CLHC1: variants seen among roughly 807,000 people sequenced by gnomAD.
CLHC1 encodes clathrin heavy chain linker domain-containing protein 1.
Under a neutral mutation model 69.5 loss-of-function variants are expected in CLHC1, and 72 were observed. The observed-to-expected ratio is 1.04, with a 90% confidence interval of 0.86 to 1.26. The LOEUF is 1.26. Among genes scored for constraint, CLHC1 ranks in the 50% most tolerant of loss-of-function variants. The pLI, the probability that CLHC1 is intolerant of heterozygous loss-of-function variation, is 0.00. For synonymous variants in CLHC1, 223 were observed against 224.3 expected, an observed-to-expected ratio of 0.99 and a Z score of 0.05; for missense variants, 790 against 679.3, an observed-to-expected ratio of 1.16 and a Z score of -1.81.
At chr2:55,217,542 AAAAAAAAAAAATATAT>A (rs1573751339) in intron 4 of CLHC1, among the ~76,000 whole-genome samples, 1 of 83,570 alleles carries the variant, frequency 1.2e-5, no homozygotes, top group Non-Finnish European at 2.2e-5. Flanking sequence ...AAAAAAAAAA[AAAAAAAAAAAATATAT>A]ATATATATAT....
At chr2:55,201,873 T>C (rs1671976207) in intron 9 of CLHC1, among the ~76,000 whole-genome samples, 1 of 152,130 alleles carries the variant, frequency 6.6e-6, no homozygotes, top group Non-Finnish European at 1.5e-5. Context: ...AATGAATCAA[T>C]GTAATGTATC....
rs187225769 is a variant in CLHC1, at chr2:55,221,619, A to G, written c.177+616T>C. On this transcript the variant is annotated intron_variant, in intron 3 of 12. Transcript: ENST00000401408. ...CCCAATTCCTAACAAATCAGATGAT[A>G]CTTTTAGATGAAAAGGTGAAAATTA... is the stretch of plus-strand genomic sequence containing the variant. Among the ~76,000 whole-genome samples the G allele has an allele frequency of 2.0e-5, 3 of 152,358 alleles. No homozygotes were observed. In the East Asian group the frequency reaches 5.8e-4, roughly 29 times the overall value.
chr2:55,218,556 A>G (rs1673803564), intron 3 of CLHC1: 1 of 152,218 alleles, frequency 6.6e-6, no homozygotes, highest in African/African-American at 2.4e-5. Context: ...TTAGGCATAG[A>G]AAATCTCTGG....
At chr2:55,208,865 CTTTTT>C (rs142601208) in intron 7 of CLHC1, among the ~76,000 whole-genome samples, 155 bp from the exon 8 acceptor site, 7 of 90,816 alleles carry the variant, frequency 7.7e-5, no homozygotes, top group Non-Finnish European at 2.2e-5. Flanking sequence ...TCCCTTTCCT[CTTTTT>C]TTTTTTTTTT....
chr2:55,188,815 C>T (rs1232147329), intron 9 of CLHC1, among the ~76,000 whole-genome samples: 1 of 151,822 alleles, frequency 6.6e-6, no homozygotes, highest in Non-Finnish European at 1.5e-5. Context: ...GAAAAAAAGA[C>T]ATAAAACAAT....
At chr2:55,200,382 C>A (rs1671837204) in intron 9 of CLHC1, among the ~76,000 whole-genome samples, 1 of 151,274 alleles carries the variant, frequency 6.6e-6, no homozygotes. Context: ...CAAAAAAGAG[C>A]AGAAGTAGAC....
In CLHC1 at chr2:55,209,764, T is replaced by C. The variant is rs780000553; in HGVS notation, c.567A>G (p.Lys189=). The C allele has an allele frequency of 6.2e-7, 1 of 1,611,766 alleles. No individual in the cohort carries two copies. The highest frequency in any genetic ancestry group is 8.5e-7 in the Non-Finnish European group (1 of 1,178,166). The change falls in exon 6 of 13, where the codon AAA becomes AAG. Residue 189 remains lysine, a synonymous_variant. Transcript: ENST00000401408. ...ACATAGCTTGTTTAATTTCTGCATA[T>C]TTATCTTCAAGATGTTTCATGTATT... ...LTKYMKHLED[K]YAEIKQAMLI...
intron 2 of CLHC1, chr2:55,224,808 A>C (rs574228284): frequency 6.5e-6 from 2 of 309,862 alleles, no homozygotes; most frequent in South Asian, 7.4e-5. Flanking sequence ...AAGCTCCGTC[A>C]AAGAGGCCCC....
At chr2:55,199,215 T>C (rs1671706145) in intron 9 of CLHC1, among the ~76,000 whole-genome samples, 1 of 148,990 alleles carries the variant, frequency 6.7e-6, no homozygotes, top group African/African-American at 2.5e-5. Flanking sequence ...GAGACTTGCT[T>C]GAACCCAGGA....
intron 2 of CLHC1, chr2:55,225,686 A>G: frequency 6.6e-6 from 1 of 152,516 alleles, no homozygotes; most frequent in Non-Finnish European, 1.5e-5. Flanking sequence ...TCAGTCCTGG[A>G]TGCCTTCGAA....
chr2:55,180,858 T>C (rs1034714724), intron 10 of CLHC1, 146 bp from the exon 11 acceptor site: 4 of 622,828 alleles, frequency 6.4e-6, no homozygotes, highest in East Asian at 2.7e-5. Context: ...CAATTGATTA[T>C]GTAATTGAAA....
intron 1 of CLHC1, among the ~76,000 whole-genome samples, chr2:55,228,506 G>A (rs1044406987): frequency 6.6e-6 from 1 of 152,140 alleles, no homozygotes. Flanking sequence ...AGACATTTAG[G>A]GATGTGTTGA....
intron 3 of CLHC1, among the ~76,000 whole-genome samples, chr2:55,218,886 T>C (rs1673840104): frequency 6.6e-6 from 1 of 152,200 alleles, no homozygotes; most frequent in African/African-American, 2.4e-5. Flanking sequence ...CAATTATGCT[T>C]TCTATTCCTG....
intron 4 of CLHC1, chr2:55,214,895 A>C (rs1673350891): frequency 6.6e-6 from 1 of 152,222 alleles, no homozygotes; most frequent in Non-Finnish European, 1.5e-5. Flanking sequence ...GTTCTAATAC[A>C]TTACCACATG....
intron 9 of CLHC1, among the ~76,000 whole-genome samples, chr2:55,203,476 G>C (rs768598907): frequency 1.3e-5 from 2 of 152,084 alleles, no homozygotes; most frequent in African/African-American, 2.4e-5. Context: ...CAGTCCAATG[G>C]AACAGAATAG....
chr2:55,192,133 G>A (rs1179050805), intron 9 of CLHC1, among the ~76,000 whole-genome samples: 3 of 152,042 alleles, frequency 2.0e-5, no homozygotes, highest in African/African-American at 7.3e-5. Flanking sequence ...TGTTGTTGTT[G>A]TTTTGAGATG....
At position 55,174,553 on chromosome 2, in the gene CLHC1, A is replaced by G. The variant is rs927708718; in HGVS notation, c.*1237T>C. 1.3e-4 allele frequency among the ~76,000 whole-genome samples: 20 copies of G among 152,364 alleles called. No homozygotes were observed. Among genetic ancestry groups the G allele is most frequent in the Middle Eastern group, 6.8e-3 (2 of 294 alleles). On this transcript the variant is annotated 3_prime_UTR_variant, in exon 13 of 13. Transcript: ENST00000401408. ...CATGTTATACACTTACACTACACAT[A>G]CATTATCACTAATCCTCACAACAAG...
At chr2:55,232,189 A>G (rs1356358915) in intron 1 of CLHC1, 34 bp downstream of exon 1, 1 of 161,228 alleles carries the variant, frequency 6.2e-6, no homozygotes, top group Non-Finnish European at 1.4e-5. Context: ...GCCCGTTCCC[A>G]CGCTCCGGAA....
At chr2:55,196,821 G>T (rs1671467409) in intron 9 of CLHC1, among the ~76,000 whole-genome samples, 1 of 152,204 alleles carries the variant, frequency 6.6e-6, no homozygotes, top group African/African-American at 2.4e-5. Context: ...AAAAGCAGAA[G>T]AGTAAAAAAG....
Sources: allele counts gnomAD v4.1 joint callset (sites outside exome capture counted in the v4.1 genomes callset), GRCh38; gene constraint gnomAD v4.1.1; transcripts MANE v1.5; gene names NCBI Gene and HGNC (gene_info 2026-07-23, HGNC 2026-07-21).